TP53I13: variants seen among roughly 807,000 people sequenced by gnomAD.
The protein encoded by TP53I13 is tumor protein p53 inducible protein 13, also known as tumor protein p53-inducible protein 13.
A neutral mutation model predicts 39.1 loss-of-function variants in TP53I13; 27 were observed. The observed-to-expected ratio is 0.69, with a 90% CI of 0.51 to 0.95. TP53I13 has a LOEUF of 0.95. TP53I13 is among the 40% of genes least tolerant of loss of function. The probability of loss-of-function intolerance (pLI) is 0.00; values close to 1 mark genes in which losing one functional copy is unlikely to be tolerated. For missense variants in TP53I13, 544 were observed against 520.4 expected (o/e 1.05, Z -0.44); for synonymous variants, 230 against 224.6 (o/e 1.02, Z -0.22).
At chr17:29,579,046 G>GAGCAGGGC in the TP53I13 span, 17 of 1,517,888 alleles carry the variant, frequency 1.1e-5, no homozygotes, top group Non-Finnish European at 1.6e-5. Flanking sequence ...AGTTACCCAG[G>GAGCAGGGC]AGCAGGGCAG....
chr17:29,579,357 G>A, the TP53I13 span: 1 of 301,354 alleles, frequency 3.3e-6, no homozygotes, highest in South Asian at 4.9e-5. Context: ...CAGCAGCCAG[G>A]GTGATTTTTT....
the TP53I13 span, chr17:29,578,958 A>G: frequency 1.2e-6 from 2 of 1,613,610 alleles, no homozygotes; most frequent in South Asian, 1.1e-5. Flanking sequence ...CAGGCACCAT[A>G]TACCTCTGAG....
At position 29,572,902 on chromosome 17, in the gene TP53I13, C is replaced by T. The variant is rs1057108811; in HGVS notation, c.1160C>T (p.Pro387Leu). Residue 387 changes from proline (P) to leucine (L), a missense_variant, in exon 7 of 7, where the codon CCG becomes CTG. Pro to Leu is a moderately conservative substitution (Grantham distance 98). Transcript: ENST00000301057. ...CTCCCGCCCACGCCGGACAGCGGCC[C>T]GGAAGGCGAGAGCTCGGAGTGACGG... The part of the protein sequence containing the change: ...PLLPPTPDSG[P>L]EGESSE The T allele has an allele frequency of 6.0e-6, 9 of 1,508,062 alleles. No individual in the cohort carries two copies. Among genetic ancestry groups the T allele is most frequent in the East Asian group, 2.6e-5 (1 of 38,422 alleles). 93.4% of individuals were successfully genotyped at this position (1,508,062 alleles called of 1,614,324 possible). A position where few individuals can be genotyped will look rare whatever the true frequency, so the allele number is the denominator to read the frequency against.
chr17:29,574,532 T>G, downstream of TP53I13: 1 of 682,380 alleles, frequency 1.5e-6, no homozygotes, highest in Non-Finnish European at 2.6e-6. Context: ...CTCCCCATCC[T>G]TAGGGGCTCG....
intron 2 of TP53I13, 52 bp downstream of exon 2, chr17:29,569,138 TC>T (rs761214063): frequency 9.7e-6 from 15 of 1,541,444 alleles, no homozygotes; most frequent in Non-Finnish European, 1.3e-5. Flanking sequence ...GCTAGCCCAG[TC>T]CCGCTCTGTT....
In TP53I13 at chr17:29,569,455, T is replaced by G. The variant is rs982903474; in HGVS notation, c.183+96T>G. On this transcript the variant is annotated intron_variant, in intron 3 of 6. Coordinates refer to ENST00000301057, the MANE Select transcript of TP53I13 (RefSeq NM_138349.4). ...TGCCTGTTCTGCTGATCGGCCCCAT[T>G]CCTTACCACTTCCCTCAGGCAGAGG... 6.6e-6 allele frequency: 8 copies of G among 1,204,490 alleles called. No individual in the cohort carries two copies. In the African/African-American group the frequency reaches 1.2e-4, roughly 18 times the overall value. 74.6% of individuals were successfully genotyped at this position (1,204,490 alleles called of 1,614,324 possible). A position where few individuals can be genotyped will look rare whatever the true frequency, so the allele number is the denominator to read the frequency against.
At chr17:29,578,715 G>A in the TP53I13 span, 4 of 1,611,146 alleles carry the variant, frequency 2.5e-6, no homozygotes. Context: ...TCAGGGCACT[G>A]TTGGAGCAGA....
chr17:29,568,301 G>A (rs999590300), upstream of TP53I13: 3 of 152,306 alleles, frequency 2.0e-5, no homozygotes, highest in Admixed American at 2.0e-4. The surrounding 1 kb of genome is among the most constrained non-coding windows in gnomAD (Gnocchi z 4.5). Flanking sequence ...ATCTGAAGCG[G>A]GTTTGCCAGG....
At chr17:29,574,339 G>A (rs1276059513), downstream of TP53I13, 2 of 290,110 alleles carry the variant, frequency 6.9e-6, no homozygotes, top group Non-Finnish European at 1.3e-5. Flanking sequence ...ATGGGGGTGG[G>A]GCGCATGTAC....
downstream of TP53I13, chr17:29,575,712 C>T (rs369858870): frequency 1.1e-5 from 17 of 1,612,090 alleles, no homozygotes; most frequent in East Asian, 2.2e-5. The surrounding 1 kb of genome is among the most constrained non-coding windows in gnomAD (Gnocchi z 5.5). Flanking sequence ...CTCTGGAGGG[C>T]GGAGGGAAGG....
upstream of TP53I13, chr17:29,566,420 C>T (rs777887363): frequency 1.2e-5 from 19 of 1,612,042 alleles, no homozygotes; most frequent in African/African-American, 2.5e-4. Flanking sequence ...TAGCCGCGCT[C>T]CAGGGCGAGC....
chr17:29,569,563 G>T lies in TP53I13; in HGVS notation c.183+204G>T, dbSNP rs1437578766. ...ATGGCTCAAAGACAGTGAGCCATAG[G>T]CCTGTCATCTGCAATGCTGTGTCAG... On this transcript the variant is annotated intron_variant, in intron 3 of 6. Transcript: ENST00000301057. 7.6e-6 allele frequency: 4 copies of T among 523,640 alleles called. No homozygotes were observed. The Admixed American group carries it at 9.5e-5, about 12-fold the overall frequency. The allele number at this position is 523,640 out of a possible 1,614,324, so 32.4% of individuals were successfully genotyped here.
At chr17:29,578,293 A>C in the TP53I13 span, 2 of 1,611,328 alleles carry the variant, frequency 1.2e-6, no homozygotes, top group Non-Finnish European at 1.7e-6. Flanking sequence ...CTGCTCCCTG[A>C]CTCACCTGCA....
chr17:29,570,278 C>G (rs1354520829), intron 3 of TP53I13, among the ~76,000 whole-genome samples: 1 of 145,148 alleles, frequency 6.9e-6, no homozygotes. Context: ...GAGGCTGAGG[C>G]GGGTGGAACA....
At chr17:29,581,531 G>C in the TP53I13 span, 1 of 729,996 alleles carries the variant, frequency 1.4e-6, no homozygotes, top group Admixed American at 2.0e-5. This position sits in a 1 kb window ranked among gnomAD's most constrained non-coding sequence, Gnocchi z 4.8. Context: ...CTGGGAGCTC[G>C]TGGGAGGATG....
chr17:29,566,616 C>CG (rs1255000088), upstream of TP53I13: 1 of 1,608,664 alleles, frequency 6.2e-7, no homozygotes, highest in East Asian at 2.2e-5. Context: ...CAGGCCCAGG[C>CG]GCTACGGGCA....
chr17:29,568,741 G>T lies in TP53I13; in HGVS notation c.-18G>T. 1 of 1,545,898 alleles carries T rather than the reference G, an allele frequency of 6.5e-7. No individual in the cohort carries two copies. On this transcript the variant is annotated 5_prime_UTR_variant, in exon 1 of 7. Transcript: ENST00000301057. The surrounding 1 kb of genome is among the most constrained non-coding windows in gnomAD (Gnocchi z 4.5). ...GGCGGAGCGGCTGGGCGGCGGGCCG[G>T]GCCCGGGGCCGCTTGGAATGGCGCC...
chr17:29,578,861 A>G, the TP53I13 span: 2 of 1,561,552 alleles, frequency 1.3e-6, no homozygotes, highest in African/African-American at 2.7e-5. Context: ...CCTCCCCAAC[A>G]TGCAGGGATC....
At chr17:29,566,918 G>A, upstream of TP53I13, 2 of 1,484,028 alleles carry the variant, frequency 1.3e-6, no homozygotes, top group Non-Finnish European at 1.8e-6. Context: ...AGGCCGAGAA[G>A]GGCGAGCACG....
Sources: gnomAD v4.1 joint callset for allele counts (sites outside exome capture counted in the v4.1 genomes callset) on GRCh38, gnomAD v4.1.1 for gene constraint, Gnocchi (gnomAD v3.1) non-coding constraint, MANE v1.5 for transcripts, NCBI Gene and HGNC (gene_info 2026-07-23, HGNC 2026-07-21) for gene names.